Variants in RBFOX3 observed in about 807,000 individuals in gnomAD.
The protein encoded by RBFOX3 is RNA binding protein fox-1 homolog 3.
A neutral mutation model predicts 48.7 loss-of-function variants in RBFOX3; 17 were observed. That is an observed-to-expected ratio of 0.35 (90% CI 0.24 to 0.52). RBFOX3 has a LOEUF of 0.52. Ranked by LOEUF, RBFOX3 falls within the 20% of genes least tolerant of loss-of-function variation. RBFOX3 has a pLI of 0.94. For missense variants in RBFOX3, 382 were observed against 497.5 expected (o/e 0.77, Z 2.21); for synonymous variants, 212 against 209.5 (o/e 1.01, Z -0.10).
Position 79,471,739 on chromosome 17 carries a change from C to A in RBFOX3, c.-175+10715G>T, listed in dbSNP as rs7213580. On this transcript the variant is annotated intron_variant, in intron 2 of 14. Transcript: ENST00000693108. This position sits in a 1 kb window ranked among gnomAD's most constrained non-coding sequence, Gnocchi z 4.0. ...ACTGCCTGTGTCCCCATGGCCAGGG[C>A]GTGTGCAGAGCCTGGGTGGACGCAG... Among the ~76,000 whole-genome samples the A allele has an allele frequency of 6.6e-6, 1 of 152,046 alleles. No homozygotes were observed. Among genetic ancestry groups the A allele is most frequent in the African/African-American group, 2.4e-5 (1 of 41,410 alleles).
intron 2 of RBFOX3, among the ~76,000 whole-genome samples, chr17:79,446,516 C>T (rs986495256): frequency 2.0e-5 from 3 of 152,180 alleles, no homozygotes; most frequent in Non-Finnish European, 4.4e-5. Context: ...GGGATGGAAG[C>T]AGCTCTCCCT....
intron 2 of RBFOX3, among the ~76,000 whole-genome samples, chr17:79,456,303 C>A (rs1200123008): frequency 1.3e-5 from 2 of 152,110 alleles, no homozygotes; most frequent in African/African-American, 4.8e-5. Context: ...CCACTCTGAC[C>A]CTGTCTGTCC....
chr17:79,143,108 G>A (rs1026978613), intron 4 of RBFOX3, among the ~76,000 whole-genome samples: 1 of 152,208 alleles, frequency 6.6e-6, no homozygotes, highest in African/African-American at 2.4e-5. Context: ...CTAACAGTAA[G>A]AAGGGTGGGA....
intron 4 of RBFOX3, among the ~76,000 whole-genome samples, chr17:79,175,898 A>G (rs1393844191): frequency 1.3e-5 from 2 of 152,356 alleles, no homozygotes; most frequent in East Asian, 3.9e-4. Flanking sequence ...TGGAAGGGCA[A>G]GACGGCTGGT....
intron 1 of RBFOX3, among the ~76,000 whole-genome samples, chr17:79,498,364 C>T (rs1555775677): frequency 6.6e-6 from 1 of 152,158 alleles, no homozygotes; most frequent in African/African-American, 2.4e-5. Context: ...CAAAGCGCCA[C>T]CTGCCCACTC....
At chr17:79,093,842 C>T (rs563616165) in intron 14 of RBFOX3, among the ~76,000 whole-genome samples, 39 of 151,260 alleles carry the variant, frequency 2.6e-4, no homozygotes, top group Admixed American at 5.3e-4. Context: ...CACGCCACGC[C>T]GCGCACCTCC....
the RBFOX3 span, among the ~76,000 whole-genome samples, chr17:79,638,435 G>C: frequency 6.6e-6 from 1 of 151,650 alleles, no homozygotes; most frequent in Non-Finnish European, 1.5e-5. Context: ...AAATAAAAAA[G>C]ATTATAAGGG....
chr17:79,442,360 GGGGAGAGAGAGAGAGAGAGAGA>G (rs1211543489), intron 2 of RBFOX3, among the ~76,000 whole-genome samples: 4 of 31,362 alleles, frequency 1.3e-4, no homozygotes, highest in African/African-American at 3.1e-4. Context: ...AGGAAGAGGG[GGGGAGAGAGAGAGAGAGAGAGA>G]GAGAGAGAGA....
intron 1 of RBFOX3, among the ~76,000 whole-genome samples, chr17:79,589,256 G>T (rs2093349591): frequency 6.6e-6 from 1 of 151,940 alleles, no homozygotes; most frequent in Non-Finnish European, 1.5e-5. Context: ...GACTCCGCAG[G>T]TGGGCTTCTT....
chr17:79,629,720 T>C, the RBFOX3 span, among the ~76,000 whole-genome samples: 1 of 152,214 alleles, frequency 6.6e-6, no homozygotes, highest in African/African-American at 2.4e-5. Flanking sequence ...ATTTGCACCA[T>C]TGCTCATAAC....
At chr17:79,374,155 G>A (rs1283954625) in intron 2 of RBFOX3, among the ~76,000 whole-genome samples, 6 of 152,194 alleles carry the variant, frequency 3.9e-5, no homozygotes, top group Non-Finnish European at 4.4e-5. Context: ...GAGCCACCTC[G>A]CCTGGCTTTG....
In RBFOX3 at chr17:79,227,065, C is replaced by T. The variant is rs189600308; in HGVS notation, c.-34+8701G>A. 3.2e-3 allele frequency among the ~76,000 whole-genome samples: 485 copies of T among 152,312 alleles called. 1 individual carries two copies. The highest frequency in any genetic ancestry group is 5.3e-3 in the Non-Finnish European group (362 of 68,032). ...CCGCCTTGCTCCCCTTTCTCACTCC[C>T]GTGTCTCTTCCCTCCCTCCTTCCCT... On this transcript the variant is annotated intron_variant, in intron 4 of 14. Coordinates refer to ENST00000693108, the MANE Select transcript of RBFOX3 (RefSeq NM_001350451.2).
At chr17:79,557,337 T>C (rs981705971) in intron 1 of RBFOX3, among the ~76,000 whole-genome samples, 46 of 151,816 alleles carry the variant, frequency 3.0e-4, no homozygotes, top group African/African-American at 1.0e-3. Flanking sequence ...CCTGGACTGT[T>C]AGTCTCTATC....
At chr17:79,397,006 T>C (rs2148327951) in intron 2 of RBFOX3, among the ~76,000 whole-genome samples, 1 of 152,358 alleles carries the variant, frequency 6.6e-6, no homozygotes, top group South Asian at 2.1e-4. Flanking sequence ...GCCTGAATCT[T>C]GGAAATGCTT....
chr17:79,541,572 G>A (rs2089696535), intron 1 of RBFOX3, among the ~76,000 whole-genome samples: 1 of 152,168 alleles, frequency 6.6e-6, no homozygotes, highest in South Asian at 2.1e-4. Flanking sequence ...AACAGCGGAA[G>A]GGACACGGCT....
intron 3 of RBFOX3, among the ~76,000 whole-genome samples, chr17:79,280,612 A>G (rs112259420): frequency 1.5e-3 from 225 of 152,324 alleles, no homozygotes; most frequent in African/African-American, 5.2e-3. Flanking sequence ...GAACACGCTG[A>G]TTCAGGAGGG....
At position 79,482,958 on chromosome 17, in the gene RBFOX3, C is replaced by G. The variant is rs2078978358; in HGVS notation, c.-319-360G>C. Reference sequence around the variant, plus strand: ...CCCCTCCCCATCGCCTTTCCCACTACCGCCCGCTCTTGCTTCCTCCCCCAC... The same window carrying G: ...CCCCTCCCCATCGCCTTTCCCACTAGCGCCCGCTCTTGCTTCCTCCCCCAC... On this transcript the variant is annotated intron_variant, in intron 1 of 14. Coordinates refer to ENST00000693108, the MANE Select transcript of RBFOX3 (RefSeq NM_001350451.2). The surrounding 1 kb of genome is among the most constrained non-coding windows in gnomAD (Gnocchi z 4.1). Among the ~76,000 whole-genome samples, 1 of 151,716 alleles carries G rather than the reference C, an allele frequency of 6.6e-6. No individual in the cohort carries two copies.
the RBFOX3 span, among the ~76,000 whole-genome samples, chr17:79,634,506 C>T: frequency 6.6e-6 from 1 of 152,142 alleles, no homozygotes; most frequent in Non-Finnish European, 1.5e-5. Context: ...CAGAGCTGCC[C>T]CAGAACCCCG....
chr17:79,103,936 G>T lies in RBFOX3; in HGVS notation c.414+137C>A. 1.4e-6 allele frequency: 1 copy of T among 708,710 alleles called. No individual in the cohort carries two copies. Among genetic ancestry groups the T allele is most frequent in the Non-Finnish European group, 2.5e-6 (1 of 405,480 alleles). 43.9% of individuals were successfully genotyped at this position (708,710 alleles called of 1,614,324 possible). A position where few individuals can be genotyped will look rare whatever the true frequency, so the allele number is the denominator to read the frequency against. ...GGGCGGGGCGGGTGGGGGCGGAAGA[G>T]CGGGGAATACAAGCACCCGTGTCGC... On this transcript the variant is annotated intron_variant, in intron 7 of 14. Coordinates refer to ENST00000693108, the MANE Select transcript of RBFOX3 (RefSeq NM_001350451.2). The surrounding 1 kb of genome is among the most constrained non-coding windows in gnomAD (Gnocchi z 6.1).
Sources: allele counts gnomAD v4.1 joint callset (sites outside exome capture counted in the v4.1 genomes callset), GRCh38; gene constraint gnomAD v4.1.1; non-coding constraint Gnocchi (gnomAD v3.1); transcripts MANE v1.5; gene names NCBI Gene and HGNC (gene_info 2026-07-23, HGNC 2026-07-21).